Variants in PCCA observed in about 807,000 individuals in gnomAD.
PCCA encodes the protein propionyl-CoA carboxylase subunit alpha, also known as propionyl-CoA carboxylase alpha chain, mitochondrial.
In PCCA, 74 loss-of-function variants were observed where a neutral mutation model predicts 101.3. The observed-to-expected ratio is 0.73, with a 90% CI of 0.61 to 0.89. The LOEUF (loss-of-function observed/expected upper bound fraction) is 0.89, where lower values mean the gene tolerates loss of function less well. Ranked by LOEUF, PCCA falls within the 40% of genes least tolerant of loss-of-function variation. The pLI is 0.00. For missense variants in PCCA, 891 were observed against 907.0 expected (o/e 0.98, Z 0.23); for synonymous variants, 294 against 313.6 (o/e 0.94, Z 0.66).
At chr13:100,464,375 T>C (rs1307003164) in intron 21 of PCCA, 14 of 152,366 alleles carry the variant, frequency 9.2e-5, no homozygotes, top group Admixed American at 3.9e-4. Context: ...TCTGCTTTTA[T>C]GGAGATGGCA....
In PCCA at chr13:100,526,763, A is replaced by G. The variant is rs149383983; in HGVS notation, c.2041-912A>G. The stretch of plus-strand genomic sequence containing the variant: ...TCGGGGCAGAGCGAAGTGAGTGCGC[A>G]GCATGGTTTTCAGCTGCAGCTCACT... On this transcript the variant is annotated intron_variant, in intron 22 of 23. Coordinates refer to ENST00000376285, the MANE Select transcript of PCCA (RefSeq NM_000282.4). Among the ~76,000 whole-genome samples the G allele has an allele frequency of 3.3e-3, 508 of 152,368 alleles. 4 individuals are homozygous for G. The highest frequency in any genetic ancestry group is 0.012 in the African/African-American group (483 of 41,598).
intron 16 of PCCA, among the ~76,000 whole-genome samples, chr13:100,320,909 G>A (rs988077811): frequency 4.6e-5 from 7 of 152,118 alleles, no homozygotes; most frequent in Non-Finnish European, 8.8e-5. Flanking sequence ...GCCACCCTAC[G>A]CGGCTAATTT....
intron 12 of PCCA, among the ~76,000 whole-genome samples, chr13:100,299,181 G>C (rs1464063596): frequency 6.6e-6 from 1 of 151,992 alleles, no homozygotes; most frequent in Non-Finnish European, 1.5e-5. Context: ...ATTACTTGTA[G>C]CTCCCTAATT....
intron 22 of PCCA, among the ~76,000 whole-genome samples, chr13:100,516,926 A>G (rs1029007764): frequency 6.6e-6 from 1 of 152,046 alleles, no homozygotes; most frequent in Non-Finnish European, 1.5e-5. Flanking sequence ...TAAACAATAT[A>G]AGGGTTTTGT....
chr13:100,279,053 G>A (rs546065678), intron 12 of PCCA, among the ~76,000 whole-genome samples: 38 of 152,196 alleles, frequency 2.5e-4, no homozygotes, highest in Middle Eastern at 3.4e-3. Context: ...ACTTCTCACC[G>A]GTGGTCTGGG....
rs2052068011 is a variant in PCCA at position 100,142,962 on chromosome 13, C to A, written c.301-12017C>A. 4.6e-5 allele frequency among the ~76,000 whole-genome samples: 7 copies of A among 152,208 alleles called. No homozygotes were observed. The South Asian group carries it at 1.4e-3, about 32-fold the overall frequency. ...TTCTTCGACTAGTAGGTGATTTGAT[C>A]TCCCCTGATACATTTATGTTTTTTC... On this transcript the variant is annotated intron_variant, in intron 4 of 23. Coordinates refer to ENST00000376285, the MANE Select transcript of PCCA (RefSeq NM_000282.4).
chr13:100,223,611 A>G (rs1038556553), intron 7 of PCCA, among the ~76,000 whole-genome samples: 1 of 152,120 alleles, frequency 6.6e-6, no homozygotes, highest in African/African-American at 2.4e-5. Flanking sequence ...CAAAGCTTCC[A>G]CAGTGTGGAA....
intron 6 of PCCA, among the ~76,000 whole-genome samples, chr13:100,182,105 T>C (rs555584545): frequency 1.3e-3 from 185 of 145,610 alleles, no homozygotes; most frequent in African/African-American, 4.5e-3. Flanking sequence ...TTTCTTTTTT[T>C]TTTTTTTTTT....
At chr13:100,506,375 G>A (rs949614201) in intron 21 of PCCA, among the ~76,000 whole-genome samples, 1 of 151,416 alleles carries the variant, frequency 6.6e-6, no homozygotes, top group Non-Finnish European at 1.5e-5. Context: ...AAACCTTCGC[G>A]GGCGGGGGTG....
rs186700766 is a variant in PCCA, at chr13:100,463,234, A to G, written c.1899+13929A>G. Among the ~76,000 whole-genome samples the G allele has an allele frequency of 1.9e-3, 283 of 152,214 alleles. 4 individuals are homozygous for G. The highest frequency in any genetic ancestry group is 6.6e-3 in the African/African-American group (273 of 41,534). ...GTTGGGGGCAAGATGACACAAGACC[A>G]TTCCAAGGAGGTTGGGTGGCATTCC... On this transcript the variant is annotated intron_variant, in intron 21 of 23. Transcript: ENST00000376285.
chr13:100,417,534 G>A (rs1210477634), intron 19 of PCCA, among the ~76,000 whole-genome samples: 1 of 152,222 alleles, frequency 6.6e-6, no homozygotes, highest in Non-Finnish European at 1.5e-5. Context: ...GAAGATGTAT[G>A]TGGGGAGGCC....
chr13:100,454,321 A>G (rs942963159), intron 21 of PCCA, among the ~76,000 whole-genome samples: 4 of 152,248 alleles, frequency 2.6e-5, no homozygotes, highest in Non-Finnish European at 2.9e-5. Context: ...TACAATTTCT[A>G]GAGTAATTTC....
chr13:100,387,539 T>C (rs1210214527), intron 19 of PCCA, among the ~76,000 whole-genome samples: 2 of 152,208 alleles, frequency 1.3e-5, no homozygotes, highest in Admixed American at 6.5e-5. Context: ...TAACCTGATG[T>C]ACCAATGTGA....
chr13:100,100,821 C>G (rs1200246900), intron 1 of PCCA, among the ~76,000 whole-genome samples: 2 of 149,206 alleles, frequency 1.3e-5, no homozygotes, highest in Non-Finnish European at 3.0e-5. Flanking sequence ...GTGTTTCGCT[C>G]TTTTTGCCCA....
rs1432765751 is a variant in PCCA, at chr13:100,285,911, C to G, written c.1065+12565C>G. On this transcript the variant is annotated intron_variant, in intron 12 of 23. Transcript: ENST00000376285. ...TGTAACCATACTTGAAAGCAAGCCT[C>G]TTACCCCAGAGACCAGTGCCCAGTT... Among the ~76,000 whole-genome samples the G allele has an allele frequency of 3.3e-5, 5 of 152,346 alleles. No individual in the cohort carries two copies. In the South Asian group the frequency reaches 1.0e-3, roughly 32 times the overall value.
intron 14 of PCCA, among the ~76,000 whole-genome samples, chr13:100,305,040 A>G (rs1196533564): frequency 6.6e-6 from 1 of 152,116 alleles, no homozygotes; most frequent in Admixed American, 6.5e-5. Context: ...ATAGCCTTTC[A>G]TTGAAGGAAT....
intron 19 of PCCA, among the ~76,000 whole-genome samples, chr13:100,412,093 G>A (rs1374019940): frequency 6.6e-6 from 1 of 152,220 alleles, no homozygotes; most frequent in Admixed American, 6.5e-5. Flanking sequence ...TTGTGGATTA[G>A]TTGGTAATAT....
chr13:100,309,789 C>A, intron 15 of PCCA, 44 bp from the exon 16 acceptor site: 1 of 1,215,428 alleles, frequency 8.2e-7, no homozygotes, highest in Non-Finnish European at 1.2e-6. Flanking sequence ...TAACATAGTT[C>A]TAAATATATA....
intron 1 of PCCA, among the ~76,000 whole-genome samples, chr13:100,100,438 T>C (rs1336383824): frequency 6.6e-6 from 1 of 152,230 alleles, no homozygotes; most frequent in Non-Finnish European, 1.5e-5. Context: ...AGAACCTTTG[T>C]TGCTAGGAAA....
Sources: gnomAD v4.1 joint callset for allele counts (sites outside exome capture counted in the v4.1 genomes callset) on GRCh38, gnomAD v4.1.1 for gene constraint, MANE v1.5 for transcripts, NCBI Gene and HGNC (gene_info 2026-07-23, HGNC 2026-07-21) for gene names.